NRF1: variants seen among roughly 807,000 people sequenced by gnomAD.
The protein encoded by NRF1 is alpha palindromic-binding protein.
Under a neutral mutation model 58.5 loss-of-function variants are expected in NRF1, and 5 were observed. The observed-to-expected ratio is 0.09, with a 90% CI of 0.04 to 0.18. NRF1 has a LOEUF of 0.18. Among genes scored for constraint, NRF1 ranks in the 10% least tolerant of loss-of-function variants. The pLI, the probability that NRF1 is intolerant of heterozygous loss-of-function variation, is 1.00. For synonymous variants in NRF1, 224 were observed against 246.7 expected (o/e 0.91, Z 0.86); for missense variants, 288 against 657.7 (o/e 0.44, Z 6.15).
chr7:129,690,408 G>A lies in NRF1; in HGVS notation c.468G>A (p.Val156=), dbSNP rs754373245. 3 of 1,612,648 alleles carry A rather than the reference G, an allele frequency of 1.9e-6. No individual in the cohort carries two copies. Among genetic ancestry groups the A allele is most frequent in the African/African-American group, 1.3e-5 (1 of 74,964 alleles). The change falls in exon 5 of 11, where the codon GTG becomes GTA. Residue 156 remains valine, a splice_region_variant and synonymous_variant. Transcript: ENST00000393232. ...VFGAAPLENV[V]RKYKSMILED... The stretch of plus-strand genomic sequence containing the variant: ...CTTCTGCCCTTAATTCCCTGCAGGT[G>A]CGTAAGTACAAGAGCATGATCCTGG...
intron 9 of NRF1, among the ~76,000 whole-genome samples, chr7:129,718,265 A>G (rs1396034701): frequency 6.6e-6 from 1 of 152,112 alleles, no homozygotes; most frequent in Non-Finnish European, 1.5e-5. Flanking sequence ...ACGCCAGACT[A>G]CTTGGGTTTG....
intron 1 of NRF1, among the ~76,000 whole-genome samples, chr7:129,652,513 C>T (rs1021425623): frequency 1.3e-5 from 2 of 152,104 alleles, no homozygotes; most frequent in African/African-American, 4.8e-5. Flanking sequence ...AAATAATATA[C>T]AAGATTTTTA....
At chr7:129,673,473 T>TA (rs1163640812) in intron 3 of NRF1, among the ~76,000 whole-genome samples, 2 of 152,182 alleles carry the variant, frequency 1.3e-5, no homozygotes, top group Non-Finnish European at 2.9e-5. Flanking sequence ...CTCACGCCTG[T>TA]AATCCCAGCA....
At chr7:129,664,514 TTTA>T (rs1483161733) in intron 2 of NRF1, among the ~76,000 whole-genome samples, 1 of 152,206 alleles carries the variant, frequency 6.6e-6, no homozygotes, top group Admixed American at 6.5e-5. Context: ...GAGTGGTGAA[TTTA>T]AAAATAAGTC....
chr7:129,611,721 G>T lies in NRF1; in HGVS notation c.-110G>T, dbSNP rs1800530115. 5.6e-6 allele frequency: 2 copies of T among 356,602 alleles called. No homozygotes were observed. The highest frequency in any genetic ancestry group is 1.0e-5 in the Non-Finnish European group (2 of 199,154). The allele number at this position is 356,602 out of a possible 1,614,324, so 22.1% of individuals were successfully genotyped here. On this transcript the variant is annotated 5_prime_UTR_variant, in exon 1 of 11. Coordinates refer to ENST00000393232, the MANE Select transcript of NRF1 (RefSeq NM_005011.5). ...CTCCTCGGCGGCGGCGGCGGCGGCA[G>T]AAGCGGCAGCGCTCGCCATTGCCGC...
At chr7:129,685,556 A>AGTGT (rs67721424) in intron 4 of NRF1, among the ~76,000 whole-genome samples, 3,816 of 142,998 alleles carry the variant, frequency 0.027, 74 homozygotes, top group East Asian at 0.062. Flanking sequence ...GTCTCATTCA[A>AGTGT]GTGTGTGTGT....
At chr7:129,673,907 A>G (rs1339017318) in intron 3 of NRF1, among the ~76,000 whole-genome samples, 1 of 152,042 alleles carries the variant, frequency 6.6e-6, no homozygotes, top group East Asian at 1.9e-4. Flanking sequence ...TGGGAGGCCG[A>G]GGTGGGCGGA....
chr7:129,701,157 A>C (rs1487752511), intron 5 of NRF1, among the ~76,000 whole-genome samples: 2 of 152,208 alleles, frequency 1.3e-5, no homozygotes, highest in Non-Finnish European at 2.9e-5. Context: ...CATAAGAAAA[A>C]GATAATTAGA....
At chr7:129,679,577 G>A (rs1206877053) in intron 4 of NRF1, among the ~76,000 whole-genome samples, 1 of 144,822 alleles carries the variant, frequency 6.9e-6, no homozygotes, top group Non-Finnish European at 1.5e-5. Flanking sequence ...AAAAAACTTA[G>A]CCGGGCCTGG....
intron 10 of NRF1, among the ~76,000 whole-genome samples, chr7:129,745,513 C>T (rs974908710): frequency 6.7e-6 from 1 of 149,502 alleles, no homozygotes; most frequent in African/African-American, 2.5e-5. Context: ...TCAACCCCCC[C>T]CCCATCCATG....
Position 129,672,832 on chromosome 7 carries a change from G to T in NRF1, c.338+1289G>T, listed in dbSNP as rs538641447. On this transcript the variant is annotated intron_variant, in intron 3 of 10. Coordinates refer to ENST00000393232, the MANE Select transcript of NRF1 (RefSeq NM_005011.5). The stretch of plus-strand genomic sequence containing the variant: ...AGTGGAGATACAAAATAAGCAGTTG[G>T]ATATATGAGTCTGGAATTGAAATGA... 8.5e-5 allele frequency among the ~76,000 whole-genome samples: 13 copies of T among 152,288 alleles called. No individual in the cohort carries two copies. The South Asian group carries it at 2.1e-3, about 24-fold the overall frequency.
intron 1 of NRF1, among the ~76,000 whole-genome samples, chr7:129,620,645 C>A (rs1800774970): frequency 6.6e-6 from 1 of 152,134 alleles, no homozygotes; most frequent in Non-Finnish European, 1.5e-5. Flanking sequence ...CTTGGCCTCC[C>A]AAAGTGCTGG....
At chr7:129,738,421 G>GC (rs1363997813) in intron 10 of NRF1, among the ~76,000 whole-genome samples, 2 of 152,158 alleles carry the variant, frequency 1.3e-5, no homozygotes, top group Non-Finnish European at 2.9e-5. Context: ...TCTTCCACAC[G>GC]CCCCCCTGGG....
chr7:129,705,940 T>TGAGAGA (rs34931265), intron 5 of NRF1, among the ~76,000 whole-genome samples: 4 of 145,270 alleles, frequency 2.8e-5, no homozygotes, highest in South Asian at 4.4e-4. Flanking sequence ...GATCCGAGAG[T>TGAGAGA]GAGAGAGAGA....
chr7:129,688,464 A>T (rs1173209076), intron 4 of NRF1, among the ~76,000 whole-genome samples: 3 of 152,110 alleles, frequency 2.0e-5, no homozygotes, highest in Non-Finnish European at 4.4e-5. Context: ...ATTGGCTTAT[A>T]CCTAATAGAA....
chr7:129,662,391 T>C (rs907724552), intron 2 of NRF1, among the ~76,000 whole-genome samples: 3 of 52,470 alleles, frequency 5.7e-5, no homozygotes, highest in African/African-American at 2.6e-4. Context: ...CTAGTGTGTG[T>C]GTGTGTGTGT....
intron 1 of NRF1, among the ~76,000 whole-genome samples, chr7:129,625,675 A>ATTT (rs56694598): frequency 0.012 from 1,097 of 88,716 alleles, 13 homozygotes; most frequent in Non-Finnish European, 0.013. Context: ...TAATGTTTTA[A>ATTT]TTTTTTTTTT....
At chr7:129,630,368 T>G (rs10263634) in intron 1 of NRF1, among the ~76,000 whole-genome samples, 2 of 152,192 alleles carry the variant, frequency 1.3e-5, no homozygotes, top group Non-Finnish European at 2.9e-5. Context: ...TTAATGAGTC[T>G]TCTACTTTCT....
At chr7:129,645,679 A>T (rs1801389801) in intron 1 of NRF1, among the ~76,000 whole-genome samples, 1 of 152,174 alleles carries the variant, frequency 6.6e-6, no homozygotes, top group Admixed American at 6.5e-5. Context: ...CTATGAAGAG[A>T]CAGTATAGTA....
Sources: allele counts gnomAD v4.1 joint callset (sites outside exome capture counted in the v4.1 genomes callset), GRCh38; gene constraint gnomAD v4.1.1; transcripts MANE v1.5; gene names NCBI Gene and HGNC (gene_info 2026-07-23, HGNC 2026-07-21).